COG5: variants seen among roughly 807,000 people sequenced by gnomAD.
The protein encoded by COG5 is component of oligomeric golgi complex 5, also known as conserved oligomeric Golgi complex subunit 5.
COG5 carries 86 observed loss-of-function variants against 110.4 expected under a neutral mutation model. The observed-to-expected ratio is 0.78, with a 90% CI of 0.65 to 0.93. COG5 has a LOEUF of 0.93. COG5 is among the 40% of genes least tolerant of loss of function. COG5 has a pLI of 0.00. For missense variants in COG5, 1,077 were observed against 987.0 expected, an observed-to-expected ratio of 1.09 and a Z score of -1.22; for synonymous variants, 360 against 334.6, an observed-to-expected ratio of 1.08 and a Z score of -0.83.
At chr7:107,231,277 A>T (rs1800757356) in intron 18 of COG5, among the ~76,000 whole-genome samples, 1 of 152,210 alleles carries the variant, frequency 6.6e-6, no homozygotes, top group South Asian at 2.1e-4. Context: ...AATCCCACAA[A>T]GCTTTATGTG....
rs147623015 is a variant in COG5, at chr7:107,560,052, T to C, written c.95-1937A>G. 1.5e-3 allele frequency among the ~76,000 whole-genome samples: 226 copies of C among 152,324 alleles called. 1 individual carries two copies. The highest frequency in any genetic ancestry group is 3.7e-3 in the African/African-American group (154 of 41,578). On this transcript the variant is annotated intron_variant, in intron 1 of 21. Transcript: ENST00000297135. The stretch of plus-strand genomic sequence containing the variant: ...ATCCTGGCAGCTGTATAGAGGATGA[T>C]GGAAAAAGGATTAGTCACACAGCAA...
chr7:107,311,948 TTGAA>T (rs1388903597), intron 11 of COG5, among the ~76,000 whole-genome samples: 7 of 152,226 alleles, frequency 4.6e-5, no homozygotes, highest in Non-Finnish European at 8.8e-5. Context: ...TATTCTAGGC[TTGAA>T]TGGTTTCATA....
intron 6 of COG5, among the ~76,000 whole-genome samples, chr7:107,459,170 A>C (rs1389942739): frequency 6.6e-6 from 1 of 152,096 alleles, no homozygotes; most frequent in Admixed American, 6.6e-5. Context: ...AATTGGATTT[A>C]AAAAGCAAAA....
intron 16 of COG5, among the ~76,000 whole-genome samples, chr7:107,248,823 T>C (rs1306965471): frequency 6.6e-6 from 1 of 152,186 alleles, no homozygotes; most frequent in African/African-American, 2.4e-5. Context: ...AAAGGTCAAA[T>C]GAACACATTT....
chr7:107,370,004 T>C (rs1813984626), intron 8 of COG5, among the ~76,000 whole-genome samples: 1 of 152,204 alleles, frequency 6.6e-6, no homozygotes, highest in Admixed American at 6.5e-5. Flanking sequence ...TCATATTCTT[T>C]ATCCATTTTT....
chr7:107,544,049 A>G (rs1381144425), intron 5 of COG5, among the ~76,000 whole-genome samples: 3 of 152,038 alleles, frequency 2.0e-5, no homozygotes, highest in Admixed American at 1.3e-4. Flanking sequence ...GAAGACCCTC[A>G]TGGCTCCAGG....
chr7:107,430,703 G>A (rs1404191791), intron 6 of COG5, among the ~76,000 whole-genome samples: 1 of 152,218 alleles, frequency 6.6e-6, no homozygotes, highest in Non-Finnish European at 1.5e-5. Flanking sequence ...TTTGGGAAGT[G>A]CTGCCATCTG....
intron 5 of COG5, among the ~76,000 whole-genome samples, chr7:107,542,897 G>C (rs564257799): frequency 2.2e-4 from 34 of 151,756 alleles, no homozygotes; most frequent in African/African-American, 8.0e-4. Context: ...CCTTGAACCT[G>C]GGAGGCGGAG....
chr7:107,362,093 T>G lies in COG5; in HGVS notation c.966A>C (p.Lys322Asn). ...AVCGQVQHLQ[K>N]VLAKKRDPVS... is the part of the protein sequence containing the mutation. ...CAGGATCTCTCTTCTTGGCCAATAC[T>G]TTTTGTAGATGTTGTACCTTAAATG... The change falls in exon 10 of 22, where the codon AAA (lysine) becomes AAC (asparagine). Residue 322 changes from lysine (K) to asparagine (N), a missense_variant. Coordinates refer to ENST00000297135, the MANE Select transcript of COG5 (RefSeq NM_006348.5). 6.2e-7 allele frequency: 1 copy of G among 1,608,292 alleles called. No individual in the cohort carries two copies. The highest frequency in any genetic ancestry group is 1.1e-5 in the South Asian group (1 of 90,406).
At chr7:107,478,631 T>G (rs892790615) in intron 6 of COG5, among the ~76,000 whole-genome samples, 2 of 152,058 alleles carry the variant, frequency 1.3e-5, no homozygotes, top group African/African-American at 2.4e-5. Flanking sequence ...AACTTTATCA[T>G]AGTTATGTAT....
intron 19 of COG5, among the ~76,000 whole-genome samples, chr7:107,215,778 T>C (rs1042072306): frequency 2.0e-5 from 3 of 151,446 alleles, no homozygotes; most frequent in African/African-American, 7.3e-5. Context: ...TGGAATGCCT[T>C]GGTTCACTGC....
intron 21 of COG5, chr7:107,208,406 G>C: frequency 1.0e-6 from 1 of 985,438 alleles, no homozygotes. Flanking sequence ...CAGGACAACT[G>C]TTTTGGATGA....
intron 12 of COG5, among the ~76,000 whole-genome samples, chr7:107,285,600 C>T (rs76855457): frequency 0.019 from 2,912 of 152,220 alleles, 98 homozygotes; most frequent in African/African-American, 0.065. Flanking sequence ...GTCTACATGC[C>T]CCACCTTCTA....
At chr7:107,393,883 T>C (rs76646886) in intron 7 of COG5, among the ~76,000 whole-genome samples, 23,281 of 152,194 alleles carry the variant, frequency 0.15, 2,255 homozygotes, top group Non-Finnish European at 0.22. Context: ...CAAATCAATC[T>C]TCTATGAAAT....
chr7:107,222,800 T>G (rs888630280), intron 19 of COG5, among the ~76,000 whole-genome samples: 5 of 152,226 alleles, frequency 3.3e-5, no homozygotes, highest in African/African-American at 4.8e-5. Context: ...AATATCATTC[T>G]TAGAGCATAA....
intron 14 of COG5, among the ~76,000 whole-genome samples, chr7:107,272,750 G>A (rs1404287116): frequency 6.6e-6 from 1 of 152,056 alleles, no homozygotes; most frequent in Non-Finnish European, 1.5e-5. Context: ...AGAGAAAGAG[G>A]ATTTTTCTTA....
chr7:107,522,038 C>A (rs1234847623), intron 6 of COG5, among the ~76,000 whole-genome samples: 1 of 152,130 alleles, frequency 6.6e-6, no homozygotes, highest in African/African-American at 2.4e-5. Context: ...CCAAACACTG[C>A]ACATTCTCAC....
intron 6 of COG5, among the ~76,000 whole-genome samples, chr7:107,440,489 C>A (rs1794642012): frequency 6.6e-6 from 1 of 151,952 alleles, no homozygotes; most frequent in Non-Finnish European, 1.5e-5. Flanking sequence ...CCCCTAAAAT[C>A]CTTGGAATCT....
chr7:107,441,838 T>C (rs1283906460), intron 6 of COG5, among the ~76,000 whole-genome samples: 1 of 152,240 alleles, frequency 6.6e-6, no homozygotes, highest in African/African-American at 2.4e-5. Context: ...AGAGTTTAAA[T>C]TCTATCAATC....
Sources: gnomAD v4.1 joint callset for allele counts (sites outside exome capture counted in the v4.1 genomes callset) on GRCh38, gnomAD v4.1.1 for gene constraint, MANE v1.5 for transcripts, NCBI Gene and HGNC (gene_info 2026-07-23, HGNC 2026-07-21) for gene names.